CD109: variants seen among roughly 807,000 people sequenced by gnomAD.
CD109 encodes CD109 molecule.
In CD109, 149 loss-of-function variants were observed where a neutral mutation model predicts 165.8. That is an observed-to-expected ratio of 0.90 (90% confidence interval 0.79 to 1.03). CD109 has a LOEUF of 1.03. Among genes scored for constraint, CD109 ranks in the 50% least tolerant of loss-of-function variants. CD109 has a pLI of 0.00. For missense variants in CD109, 1,712 were observed against 1,677.8 expected, an observed-to-expected ratio of 1.02 and a Z score of -0.36; for synonymous variants, 585 against 592.1, an observed-to-expected ratio of 0.99 and a Z score of 0.18.
At chr6:73,789,759 CT>C (rs59475224) in intron 22 of CD109, among the ~76,000 whole-genome samples, 47,808 of 131,324 alleles carry the variant, frequency 0.36, 7,828 homozygotes, top group African/African-American at 0.43. Flanking sequence ...CGCGCCCGGC[CT>C]TTTTTTTTTT....
the CD109 span, among the ~76,000 whole-genome samples, chr6:73,689,528 A>G: frequency 1.3e-5 from 2 of 152,212 alleles, no homozygotes; most frequent in African/African-American, 2.4e-5. Flanking sequence ...TAAAAGTGGG[A>G]AAACCACTTT....
intron 5 of CD109, among the ~76,000 whole-genome samples, chr6:73,738,990 C>T (rs1489629167): frequency 6.6e-6 from 1 of 152,174 alleles, no homozygotes; most frequent in African/African-American, 2.4e-5. Context: ...CCATGATAGA[C>T]AGTAGCCTTT....
intron 20 of CD109, among the ~76,000 whole-genome samples, chr6:73,786,995 A>T (rs1582157935): frequency 6.6e-6 from 1 of 151,186 alleles, no homozygotes; most frequent in South Asian, 2.2e-4. Context: ...TAGTGGGAGG[A>T]CTAGAAATGG....
chr6:73,707,481 G>T (rs1356744871), intron 2 of CD109, among the ~76,000 whole-genome samples: 1 of 152,146 alleles, frequency 6.6e-6, no homozygotes, highest in Non-Finnish European at 1.5e-5. Flanking sequence ...AGGAATAGCT[G>T]GGTCTGTCCT....
At chr6:73,774,684 C>G (rs1774173433) in intron 15 of CD109, among the ~76,000 whole-genome samples, 1 of 152,124 alleles carries the variant, frequency 6.6e-6, no homozygotes, top group Non-Finnish European at 1.5e-5. Context: ...TGAGGCTACC[C>G]CCTGGAGGGA....
chr6:73,785,032 A>G (rs1274621236), intron 19 of CD109, among the ~76,000 whole-genome samples: 1 of 152,222 alleles, frequency 6.6e-6, no homozygotes, highest in Non-Finnish European at 1.5e-5. Context: ...AGTTACAAAA[A>G]TCTCAAAAAT....
intron 3 of CD109, among the ~76,000 whole-genome samples, chr6:73,724,374 G>A (rs1772061322): frequency 2.6e-5 from 4 of 152,166 alleles, no homozygotes; most frequent in Admixed American, 2.6e-4. Context: ...ATTATTAAAT[G>A]TTTGTGGATG....
At chr6:73,715,887 T>G (rs527911084) in intron 2 of CD109, among the ~76,000 whole-genome samples, 1 of 152,326 alleles carries the variant, frequency 6.6e-6, no homozygotes, top group Non-Finnish European at 1.5e-5. Flanking sequence ...CTATTTTTTG[T>G]GCCCATTAAC....
chr6:73,700,649 AGGG>A (rs1771031142), intron 2 of CD109, among the ~76,000 whole-genome samples: 2 of 152,118 alleles, frequency 1.3e-5, no homozygotes, highest in Admixed American at 1.3e-4. Flanking sequence ...GCATTTCTTC[AGGG>A]AAGAGTTCAT....
rs370650524 is a variant in CD109, at chr6:73,766,159, C to T, written c.1332+5C>T. On this transcript the variant is annotated splice_donor_5th_base_variant and intron_variant, in intron 11 of 32. Transcript: ENST00000287097. ...TCCAGTGAGCTACAGTTGAAGGTGCCGTCTGTTTCCCATCATTGTGTCACT... is the reference window on the plus strand; with the variant it reads ...TCCAGTGAGCTACAGTTGAAGGTGCTGTCTGTTTCCCATCATTGTGTCACT... The T allele has an allele frequency of 1.5e-5, 24 of 1,607,810 alleles. No individual in the cohort carries two copies. The African/African-American group carries it at 1.9e-4, about 13-fold the overall frequency.
the CD109 span, among the ~76,000 whole-genome samples, chr6:73,686,110 G>A: frequency 1.3e-5 from 2 of 152,188 alleles, no homozygotes; most frequent in African/African-American, 4.8e-5. Flanking sequence ...GGGGTAACTT[G>A]AGTAATGTGA....
At chr6:73,700,183 G>C (rs1048209726) in intron 2 of CD109, among the ~76,000 whole-genome samples, 3 of 152,150 alleles carry the variant, frequency 2.0e-5, no homozygotes, top group East Asian at 1.9e-4. Flanking sequence ...TTGGGCTCAA[G>C]TGATCCTGCT....
In CD109 at chr6:73,791,162, TATATATATATATATAC is replaced by T. The variant is rs1310391060; in HGVS notation, c.2702-1462_2702-1447del. ...ATATATATATATATATATATATATATATATATATATATATACACACACACACATACATATATATATA... is the reference window on the plus strand; with the variant it reads ...ATATATATATATATATATATATATATACACACACACATACATATATATATA... On this transcript the variant is annotated intron_variant, in intron 22 of 32. Coordinates refer to ENST00000287097, the MANE Select transcript of CD109 (RefSeq NM_133493.5). Among the ~76,000 whole-genome samples the T allele has an allele frequency of 1.3e-3, 48 of 36,238 alleles. 2 individuals carry two copies. The highest frequency in any genetic ancestry group is 3.3e-3 in the East Asian group (3 of 906). The allele number at this position is 36,238 out of a possible 152,430, so 23.8% of individuals were successfully genotyped here.
At position 73,697,591 on chromosome 6, in the gene CD109, A is replaced by G; in HGVS notation, c.247+19A>G. On this transcript the variant is annotated intron_variant, in intron 2 of 32. Coordinates refer to ENST00000287097, the MANE Select transcript of CD109 (RefSeq NM_133493.5). Reference sequence around the variant, plus strand: ...GAAAAAGGTAAGATAAACAGCATAAAGTCTTACCCTTCTGCAGTAATAACT... The same window carrying G: ...GAAAAAGGTAAGATAAACAGCATAAGGTCTTACCCTTCTGCAGTAATAACT... 1.2e-6 allele frequency: 2 copies of G among 1,603,208 alleles called. No individual in the cohort carries two copies. The highest frequency in any genetic ancestry group is 1.3e-5 in the African/African-American group (1 of 74,788).
At chr6:73,795,313 C>G (rs7751343) in intron 23 of CD109, among the ~76,000 whole-genome samples, 79,985 of 149,218 alleles carry the variant, frequency 0.54, 22,006 homozygotes, top group African/African-American at 0.65. Flanking sequence ...AAACAGAAAG[C>G]ATAAATTTTA....
intron 5 of CD109, among the ~76,000 whole-genome samples, chr6:73,747,513 G>T (rs1465452611): frequency 6.6e-6 from 1 of 152,102 alleles, no homozygotes. Flanking sequence ...TCACTCTAGG[G>T]AAGTTCACCC....
At chr6:73,787,210 C>G (rs758113289) in intron 20 of CD109, 24 bp from the exon 21 acceptor site, 3 of 1,496,996 alleles carry the variant, frequency 2.0e-6, no homozygotes, top group Non-Finnish European at 9.3e-7. Context: ...TATACAAAAG[C>G]TTTGATTTAT....
At chr6:73,753,549 GC>G (rs1773274590) in intron 5 of CD109, among the ~76,000 whole-genome samples, 1 of 152,142 alleles carries the variant, frequency 6.6e-6, no homozygotes, top group African/African-American at 2.4e-5. Context: ...CCACATATGA[GC>G]ACCTTGGGAA....
At chr6:73,806,801 T>C (rs1416403087) in intron 24 of CD109, 43 bp from the exon 25 acceptor site, 2 of 1,454,364 alleles carry the variant, frequency 1.4e-6, no homozygotes, top group South Asian at 2.4e-5. Flanking sequence ...TTGGTGGACC[T>C]TATAAAGTGT....
Sources: allele counts gnomAD v4.1 joint callset (sites outside exome capture counted in the v4.1 genomes callset), GRCh38; gene constraint gnomAD v4.1.1; transcripts MANE v1.5; gene names NCBI Gene and HGNC (gene_info 2026-07-23, HGNC 2026-07-21).